The following ASPH variants were observed in gnomAD, a reference collection of about 807,000 sequenced individuals.
ASPH encodes the protein aspartate beta-hydroxylase.
A neutral mutation model predicts 118.4 loss-of-function variants in ASPH; 100 were observed. The observed-to-expected ratio is 0.84, with a 90% CI of 0.72 to 1.00. The LOEUF (loss-of-function observed/expected upper bound fraction) is 1.00, where lower values mean the gene tolerates loss of function less well. Ranked by LOEUF, ASPH falls within the 50% of genes least tolerant of loss-of-function variation. The probability of loss-of-function intolerance (pLI) is 0.00; values close to 1 mark genes in which losing one functional copy is unlikely to be tolerated. For synonymous variants in ASPH, 315 were observed against 325.6 expected (o/e 0.97, Z 0.35); for missense variants, 920 against 919.5 (o/e 1.00, Z -0.01).
intron 13 of ASPH, among the ~76,000 whole-genome samples, chr8:61,620,668 C>A (rs1850600737): frequency 6.6e-6 from 1 of 152,130 alleles, no homozygotes; most frequent in Admixed American, 6.5e-5. Context: ...GGAGATACAG[C>A]AATGAAGAAA....
At chr8:61,521,902 T>G (rs1391098040) in intron 22 of ASPH, among the ~76,000 whole-genome samples, 1 of 152,208 alleles carries the variant, frequency 6.6e-6, no homozygotes, top group Non-Finnish European at 1.5e-5. Flanking sequence ...ACAGGTTCCA[T>G]CTTGCATGAC....
chr8:61,703,923 C>A (rs1209352563), intron 1 of ASPH, among the ~76,000 whole-genome samples: 1 of 152,066 alleles, frequency 6.6e-6, no homozygotes, highest in Non-Finnish European at 1.5e-5. Flanking sequence ...GGCATAAGGA[C>A]AAACAGATAA....
intron 16 of ASPH, chr8:61,576,504 T>G: frequency 1.5e-5 from 5 of 338,578 alleles, no homozygotes; most frequent in Non-Finnish European, 2.2e-5. Context: ...GAATGGGACA[T>G]GAGGGGATGG....
intron 14 of ASPH, among the ~76,000 whole-genome samples, chr8:61,591,707 G>A (rs1173780667): frequency 6.6e-6 from 1 of 152,096 alleles, no homozygotes; most frequent in Non-Finnish European, 1.5e-5. Flanking sequence ...CTAGACATGT[G>A]TGACTCACCC....
intron 1 of ASPH, among the ~76,000 whole-genome samples, chr8:61,689,384 G>C (rs1831872822): frequency 6.6e-6 from 1 of 152,030 alleles, no homozygotes; most frequent in Non-Finnish European, 1.5e-5. Flanking sequence ...AATAAGAAGA[G>C]AGCTTGTACA....
rs1269935203 is a variant in ASPH at position 61,502,700 on chromosome 8, T to C, written c.*659A>G. 6.6e-6 allele frequency: 1 copy of C among 152,192 alleles called. No individual in the cohort carries two copies. Among genetic ancestry groups the C allele is most frequent in the Non-Finnish European group, 1.5e-5 (1 of 68,044 alleles). 9.4% of individuals were successfully genotyped at this position (152,192 alleles called of 1,614,324 possible). A position where few individuals can be genotyped will look rare whatever the true frequency, so the allele number is the denominator to read the frequency against. ...CCACTAGCATAGTGAGAAGAGGATC[T>C]CAATCAAGATAAAAAAAACCAAACG... On this transcript the variant is annotated 3_prime_UTR_variant, in exon 25 of 25. Transcript: ENST00000379454.
At chr8:61,630,126 T>C (rs943055674) in intron 13 of ASPH, among the ~76,000 whole-genome samples, 1 of 152,222 alleles carries the variant, frequency 6.6e-6, no homozygotes, top group African/African-American at 2.4e-5. Context: ...GATTAGCACA[T>C]TGATAGTTAC....
rs556400372 is a variant in ASPH, at chr8:61,545,675, T to C, written c.1764+2396A>G. 2.4e-4 allele frequency among the ~76,000 whole-genome samples: 36 copies of C among 152,364 alleles called. 1 individual carries two copies. In the Middle Eastern group the frequency reaches 0.027, roughly 115 times the overall value. ...AAGCAAAGAACAATGTTTGGGTCCA[T>C]GTCAGCCCATAGTAGACTGCCTTCA... On this transcript the variant is annotated intron_variant, in intron 21 of 24. Transcript: ENST00000379454.
At chr8:61,504,462 T>C (rs575691595) in intron 24 of ASPH, among the ~76,000 whole-genome samples, 28 of 152,224 alleles carry the variant, frequency 1.8e-4, no homozygotes, top group Non-Finnish European at 8.8e-5. Flanking sequence ...TACTATATTA[T>C]CATAAAGAGG....
intron 14 of ASPH, among the ~76,000 whole-genome samples, chr8:61,587,847 C>T (rs78870052): frequency 0.022 from 3,278 of 152,212 alleles, 130 homozygotes; most frequent in African/African-American, 0.073. Context: ...CTCACTCTTT[C>T]TTCTCATTCT....
intron 21 of ASPH, among the ~76,000 whole-genome samples, chr8:61,529,671 C>G (rs1192057657): frequency 6.6e-6 from 1 of 152,084 alleles, no homozygotes; most frequent in Non-Finnish European, 1.5e-5. Context: ...CTATTCAGGA[C>G]AAAAACAAAA....
At position 61,526,026 on chromosome 8, in the gene ASPH, T is replaced by G; in HGVS notation, c.1851A>C (p.Glu617Asp). Residue 617 changes from glutamate to aspartate, a missense_variant, in exon 22 of 25, where the codon GAA (glutamate) becomes GAC (aspartate). By Grantham distance (45) the Glu-to-Asp change is conservative. Transcript: ENST00000379454. ...KAKGLFLPED[E>D]NLREKGDWSQ... is the part of the protein sequence containing the mutation. ...TCCAGTCCCCTTTTTCCCTCAGGTT[T>G]TCATCCTCAGGCAGGAAGAGACCTT... 6.2e-7 allele frequency: 1 copy of G among 1,614,034 alleles called. No homozygotes were observed. The highest frequency in any genetic ancestry group is 2.2e-5 in the East Asian group (1 of 44,874).
At chr8:61,598,129 A>C (rs1441871703) in intron 14 of ASPH, among the ~76,000 whole-genome samples, 1 of 152,244 alleles carries the variant, frequency 6.6e-6, no homozygotes, top group Non-Finnish European at 1.5e-5. Context: ...GTCCTCACCT[A>C]TCAATAGTAA....
At chr8:61,669,867 T>C (rs1821541249) in intron 3 of ASPH, among the ~76,000 whole-genome samples, 1 of 152,166 alleles carries the variant, frequency 6.6e-6, no homozygotes, top group Admixed American at 6.5e-5. Flanking sequence ...ACTTTTGTCA[T>C]GAATAAACCA....
chr8:61,704,144 G>A (rs1026401874), intron 1 of ASPH, among the ~76,000 whole-genome samples: 13 of 128,526 alleles, frequency 1.0e-4, no homozygotes, highest in Admixed American at 5.2e-4. Flanking sequence ...GCAGTGAGCC[G>A]AGATCCCGCC....
chr8:61,623,234 G>A (rs35683980), intron 13 of ASPH, among the ~76,000 whole-genome samples: 71,719 of 152,026 alleles, frequency 0.47, 17,261 homozygotes, highest in Middle Eastern at 0.53. Flanking sequence ...GCTGTCTTTT[G>A]ATAAAAGTCA....
intron 9 of ASPH, among the ~76,000 whole-genome samples, 167 bp downstream of exon 9, chr8:61,643,219 T>A (rs141203086): frequency 1.3e-5 from 2 of 152,326 alleles, no homozygotes; most frequent in African/African-American, 4.8e-5. Flanking sequence ...TATGAAAGCC[T>A]GATATTCTTA....
chr8:61,705,005 G>T (rs188001406), intron 1 of ASPH, among the ~76,000 whole-genome samples: 3 of 152,054 alleles, frequency 2.0e-5, no homozygotes, highest in Non-Finnish European at 4.4e-5. Flanking sequence ...GTCAAAAAAG[G>T]CTTCTATAAT....
intron 10 of ASPH, among the ~76,000 whole-genome samples, chr8:61,640,083 T>C (rs1186703767): frequency 1.3e-5 from 2 of 152,184 alleles, no homozygotes; most frequent in African/African-American, 4.8e-5. Context: ...AAGTCACCCG[T>C]TGAGGCCACT....
Sources: gnomAD v4.1 joint callset for allele counts (sites outside exome capture counted in the v4.1 genomes callset) on GRCh38, gnomAD v4.1.1 for gene constraint, MANE v1.5 for transcripts, NCBI Gene and HGNC (gene_info 2026-07-23, HGNC 2026-07-21) for gene names.